Variants in PLCH2 observed in about 807,000 individuals in gnomAD.
PLCH2 encodes 1-phosphatidylinositol 4,5-bisphosphate phosphodiesterase eta-2.
A neutral mutation model predicts 134.7 loss-of-function variants in PLCH2; 98 were observed. The observed-to-expected ratio is 0.73, with a 90% confidence interval of 0.62 to 0.86. PLCH2 has a LOEUF of 0.86. Ranked by LOEUF, PLCH2 falls within the 40% of genes least tolerant of loss-of-function variation. The pLI is 0.00. For synonymous variants in PLCH2, 974 were observed against 827.5 expected (o/e 1.18, Z -3.04); for missense variants, 1,994 against 1,986.6 (o/e 1.00, Z -0.07).
chr1:2,417,796 C>T, the PLCH2 span, among the ~76,000 whole-genome samples: 1 of 152,182 alleles, frequency 6.6e-6, no homozygotes, highest in African/African-American at 2.4e-5. Context: ...GAGGAGGGGA[C>T]GGGCAGGGGC....
chr1:2,502,233 GCA>G lies in PLCH2; in HGVS notation c.2785_2786del (p.Thr929GlyfsTer79). 6.5e-7 allele frequency: 1 copy of G among 1,541,168 alleles called. No individual in the cohort carries two copies. Among genetic ancestry groups the G allele is most frequent in the Non-Finnish European group, 8.7e-7 (1 of 1,145,120 alleles). ...TCCGTTAGCCAGCGGATCCTGCGGC[GCA>G]CGGCCAGCGCCCCGACCAAGAGCCA... On this transcript the variant is annotated frameshift_variant, in exon 21 of 22. Transcript: ENST00000378486. LOFTEE classifies it high-confidence loss of function.
chr1:2,463,827 C>A (rs913856734), upstream of PLCH2, among the ~76,000 whole-genome samples: 1 of 152,240 alleles, frequency 6.6e-6, no homozygotes, highest in Admixed American at 6.5e-5. Context: ...GCTGGCCAGG[C>A]CCTTGGAGAA....
upstream of PLCH2, among the ~76,000 whole-genome samples, chr1:2,423,990 C>T (rs777108328): frequency 5.8e-4 from 88 of 152,146 alleles, no homozygotes; most frequent in Non-Finnish European, 9.9e-4. Flanking sequence ...AGCCTCAAAC[C>T]CTGTCTTCAA....
chr1:2,432,323 G>A (rs747130828), intron 2 of PLCH2, among the ~76,000 whole-genome samples: 30 of 152,308 alleles, frequency 2.0e-4, no homozygotes, highest in Non-Finnish European at 3.7e-4. Flanking sequence ...TGAGCACTCC[G>A]GCTGGGACTG....
At chr1:2,452,708 G>A (rs779181941) in intron 2 of PLCH2, among the ~76,000 whole-genome samples, 4 of 152,234 alleles carry the variant, frequency 2.6e-5, no homozygotes, top group Non-Finnish European at 4.4e-5. Context: ...CCCAACCAGA[G>A]GCTGGGCATG....
chr1:2,461,779 C>T (rs1464803083), intron 2 of PLCH2, among the ~76,000 whole-genome samples: 2 of 152,154 alleles, frequency 1.3e-5, no homozygotes, highest in Non-Finnish European at 2.9e-5. Flanking sequence ...CTCCCCCAGG[C>T]TTGGGGGAAC....
intron 2 of PLCH2, among the ~76,000 whole-genome samples, chr1:2,434,342 G>A (rs1323899889): frequency 6.6e-6 from 1 of 152,210 alleles, no homozygotes; most frequent in Non-Finnish European, 1.5e-5. Context: ...ACCTGGGAAG[G>A]TGGCCCCAGC....
At chr1:2,417,715 C>T in the PLCH2 span, among the ~76,000 whole-genome samples, 1 of 152,204 alleles carries the variant, frequency 6.6e-6, no homozygotes, top group Non-Finnish European at 1.5e-5. Flanking sequence ...CCTCCTGAGG[C>T]ACTGCCACGC....
intron 15 of PLCH2, 103 bp downstream of exon 15, chr1:2,497,113 G>T: frequency 8.5e-7 from 1 of 1,175,698 alleles, no homozygotes; most frequent in Non-Finnish European, 1.2e-6. Context: ...CCTCGGTTCT[G>T]TCCTGGGCTC....
At chr1:2,464,974 T>A (rs1640988170), upstream of PLCH2, among the ~76,000 whole-genome samples, 1 of 152,028 alleles carries the variant, frequency 6.6e-6, no homozygotes, top group Non-Finnish European at 1.5e-5. Flanking sequence ...CTGGGCTTGG[T>A]GTCACTGAAG....
At chr1:2,472,915 A>T (rs1250633892), upstream of PLCH2, among the ~76,000 whole-genome samples, 3 of 151,924 alleles carry the variant, frequency 2.0e-5, no homozygotes, top group Non-Finnish European at 2.9e-5. Flanking sequence ...GTGTGTGTAC[A>T]TGCCGGGAGG....
chr1:2,504,661 C>T lies in PLCH2; in HGVS notation c.3699C>T (p.Phe1233=), dbSNP rs1393454811. 4.3e-6 allele frequency: 7 copies of T among 1,612,576 alleles called. No homozygotes were observed. The highest frequency in any genetic ancestry group is 5.9e-6 in the Non-Finnish European group (7 of 1,179,752). Residue 1233 remains phenylalanine (F), a synonymous_variant, in exon 22 of 22, where the codon TTC becomes TTT. Coordinates refer to ENST00000378486, the MANE Select transcript of PLCH2 (RefSeq NM_014638.4). ...SLAPRMAGLP[F]RPPWGCLSLV... ...CCCCAAGGATGGCTGGCCTCCCCTT[C>T]CGGCCTCCCTGGGGCTGCCTTTCCC... is the stretch of plus-strand genomic sequence containing the variant.
chr1:2,477,020 T>A (rs1641669249), intron 1 of PLCH2, among the ~76,000 whole-genome samples: 1 of 152,128 alleles, frequency 6.6e-6, no homozygotes, highest in Admixed American at 6.5e-5. Context: ...AGGGGTGCCT[T>A]GTGCTCTGGG....
chr1:2,487,075 G>T, intron 6 of PLCH2, 75 bp downstream of exon 6: 1 of 1,504,904 alleles, frequency 6.6e-7, no homozygotes, highest in Non-Finnish European at 9.0e-7. Context: ...CTGTGGGCCG[G>T]GACAGGTGTT....
chr1:2,454,628 C>T (rs1570313727), intron 2 of PLCH2, among the ~76,000 whole-genome samples: 2 of 152,144 alleles, frequency 1.3e-5, no homozygotes, highest in East Asian at 3.9e-4. Flanking sequence ...GGAGCCCCCT[C>T]CCAGGTGAGG....
chr1:2,491,307 T>C lies in PLCH2; in HGVS notation c.1631T>C (p.Leu544Pro), dbSNP rs531693652. 23 of 1,613,182 alleles carry C rather than the reference T, an allele frequency of 1.4e-5. No homozygotes were observed. The Admixed American group carries it at 1.8e-4, about 13-fold the overall frequency. ...EDPNNFSVSTLSPSGKLGRKS... is the reference protein window; with the variant it reads ...EDPNNFSVSTPSPSGKLGRKS... ...CCCAACAACTTCTCCGTCTCCACAC[T>C]GTCCCCATCTGGAAAGCTCGGACGC... Residue 544 changes from leucine to proline, a missense_variant, in exon 11 of 22, where the codon CTG becomes CCG. Leu to Pro is a moderately conservative substitution (Grantham distance 98, BLOSUM62 -3). Coordinates refer to ENST00000378486, the MANE Select transcript of PLCH2 (RefSeq NM_014638.4).
chr1:2,503,538 C>A, intron 21 of PLCH2: 1 of 681,886 alleles, frequency 1.5e-6, no homozygotes, highest in Non-Finnish European at 2.7e-6. Context: ...ATACACGGAG[C>A]CCGCCCCACA....
At chr1:2,446,046 G>A (rs573762680) in intron 2 of PLCH2, among the ~76,000 whole-genome samples, 2 of 152,332 alleles carry the variant, frequency 1.3e-5, no homozygotes, top group Non-Finnish European at 2.9e-5. Context: ...ACGGGAGGGG[G>A]GCTGAGGACC....
At chr1:2,436,317 C>G (rs1479905871) in intron 2 of PLCH2, among the ~76,000 whole-genome samples, 1 of 36,770 alleles carries the variant, frequency 2.7e-5, no homozygotes, top group East Asian at 8.3e-4. Flanking sequence ...CTCCTCCCTT[C>G]CTCCCTCCTC....
Sources: allele counts gnomAD v4.1 joint callset (sites outside exome capture counted in the v4.1 genomes callset), GRCh38; gene constraint gnomAD v4.1.1; transcripts MANE v1.5; gene names NCBI Gene and HGNC (gene_info 2026-07-23, HGNC 2026-07-21).